ZNF7: variants seen among roughly 807,000 people sequenced by gnomAD.
ZNF7 encodes the protein zinc finger protein 7.
ZNF7 carries 10 observed loss-of-function variants against 12.0 expected under a neutral mutation model. The ratio of observed to expected loss-of-function variants is 0.83; its 90% CI spans 0.51 to 1.42. The LOEUF (loss-of-function observed/expected upper bound fraction) is 1.42, where lower values mean the gene tolerates loss of function less well. Ranked by LOEUF, ZNF7 falls within the 40% of genes most tolerant of loss-of-function variation. The probability of loss-of-function intolerance (pLI) is 0.00; values close to 1 mark genes in which losing one functional copy is unlikely to be tolerated. For missense variants in ZNF7, 854 were observed against 837.2 expected, an observed-to-expected ratio of 1.02 and a Z score of -0.25; for synonymous variants, 334 against 295.0, an observed-to-expected ratio of 1.13 and a Z score of -1.35.
chr8:144,829,219 A>T (rs1828148252), intron 2 of ZNF7, 129 bp downstream of exon 2: 6 of 1,564,402 alleles, frequency 3.8e-6, no homozygotes, highest in African/African-American at 1.4e-5. Context: ...CTTGCCCCCA[A>T]CCCCAAGGTA....
At chr8:144,832,266 A>G (rs1271574825) in intron 3 of ZNF7, among the ~76,000 whole-genome samples, 2 of 96,888 alleles carry the variant, frequency 2.1e-5, no homozygotes, top group African/African-American at 6.0e-5. Flanking sequence ...TGCAAAAAAA[A>G]AAAAAAATTA....
In ZNF7 at chr8:144,837,608, A is replaced by T. The variant is rs910847704; in HGVS notation, c.247+101A>T. On this transcript the variant is annotated intron_variant, in intron 4 of 4. Coordinates refer to ENST00000532777, the MANE Select transcript of ZNF7 (RefSeq NM_003416.4). ...GCTGTGGGTGAGTCGCGGGGGCTAC[A>T]CTGGGATGCCTGGGAATGCTACTGG... The T allele has an allele frequency of 4.4e-5, 35 of 798,934 alleles. No individual in the cohort carries two copies. The African/African-American group carries it at 5.3e-4, about 12-fold the overall frequency. The allele number at this position is 798,934 out of a possible 1,614,324, so 49.5% of individuals were successfully genotyped here.
At chr8:144,833,362 T>G (rs1431818657) in intron 3 of ZNF7, among the ~76,000 whole-genome samples, 1 of 105,148 alleles carries the variant, frequency 9.5e-6, no homozygotes, top group African/African-American at 2.8e-5. Flanking sequence ...GTTTGTTTGT[T>G]CATTTGTGTT....
Position 144,842,824 on chromosome 8 carries a change from A to G in ZNF7, c.1717A>G (p.Ile573Val). 1 of 1,614,218 alleles carries G rather than the reference A, an allele frequency of 6.2e-7. No individual in the cohort carries two copies. The highest frequency in any genetic ancestry group is 8.5e-7 in the Non-Finnish European group (1 of 1,180,044). ...AAACTCAACCCTTTTCCAACACCAG[A>G]TAATTCATGCAGGGGTGAAGCCCTA... ...SQNSTLFQHQ[I>V]IHAGVKPYEC... is the part of the protein sequence containing the mutation. The change falls in exon 5 of 5, where the codon ATA becomes GTA. Residue 573 changes from isoleucine (I) to valine (V), a missense_variant. Physicochemically the swap from Ile to Val is conservative, Grantham distance 29. Coordinates refer to ENST00000532777, the MANE Select transcript of ZNF7 (RefSeq NM_003416.4).
intron 4 of ZNF7, among the ~76,000 whole-genome samples, chr8:144,840,551 C>G (rs1482056446): frequency 6.6e-6 from 1 of 152,180 alleles, no homozygotes; most frequent in African/African-American, 2.4e-5. Context: ...GGTTTGATCA[C>G]AGACATCAAG....
Position 144,842,937 on chromosome 8 carries a change from C to G in ZNF7, c.1830C>G (p.Tyr610Ter), listed in dbSNP as rs9004. 6.8e-6 allele frequency: 11 copies of G among 1,613,750 alleles called. No homozygotes were observed. The highest frequency in any genetic ancestry group is 8.5e-6 in the Non-Finnish European group (10 of 1,179,960). Residue 610 changes from tyrosine to a stop codon, truncating the protein, a stop_gained, in exon 5 of 5, where the codon TAC (tyrosine) becomes TAG (stop). Transcript: ENST00000532777. LOFTEE classifies it low-confidence loss of function (END_TRUNC). Reference protein sequence around the residue: ...QRIHTRAQWFYEYGNALEGST... With the variant: ...QRIHTRAQWF ...TACACACTAGGGCCCAGTGGTTTTACGAATATGGGAATGCCCTGGAAGGGT... is the reference window on the plus strand; with the variant it reads ...TACACACTAGGGCCCAGTGGTTTTAGGAATATGGGAATGCCCTGGAAGGGT...
Position 144,841,749 on chromosome 8 carries a change from T to C in ZNF7, c.642T>C (p.His214=), listed in dbSNP as rs770258179. 3 of 1,614,098 alleles carry C rather than the reference T, an allele frequency of 1.9e-6. No homozygotes were observed. The highest frequency in any genetic ancestry group is 1.1e-5 in the South Asian group (1 of 91,084). The change falls in exon 5 of 5, where the codon CAT becomes CAC. Residue 214 remains histidine (H), a synonymous_variant. Coordinates refer to ENST00000532777, the MANE Select transcript of ZNF7 (RefSeq NM_003416.4). Reference sequence around the variant, plus strand: ...GAGCCACTTCAGATATCGCTCTGCATTGGGAAATTAATACACAGAAAATTA... The same window carrying C: ...GAGCCACTTCAGATATCGCTCTGCACTGGGAAATTAATACACAGAAAATTA... ...GIRATSDIAL[H]WEINTQKISR...
chr8:144,845,990 C>T (rs557000934), downstream of ZNF7: 39 of 1,536,522 alleles, frequency 2.5e-5, no homozygotes, highest in South Asian at 1.4e-4. Context: ...CTTTCTGGGC[C>T]GCCCAACCAT....
rs149931468 is a variant in ZNF7 at position 144,838,688 on chromosome 8, A to G, written c.247+1181A>G. 5.7e-3 allele frequency: 867 copies of G among 152,924 alleles called. 8 individuals are homozygous for G. The highest frequency in any genetic ancestry group is 0.02 in the African/African-American group (828 of 41,596). The allele number at this position is 152,924 out of a possible 1,614,324, so 9.5% of individuals were successfully genotyped here. A position where few individuals can be genotyped will look rare whatever the true frequency, so the allele number is the denominator to read the frequency against. On this transcript the variant is annotated intron_variant, in intron 4 of 4. Transcript: ENST00000532777. ...CCGGGCATGGTGGCTCACGCCGGCC[A>G]TTCTAGCGATTTGGGAGGCCGAGGT...
chr8:144,844,275 C>T (rs1000338509), downstream of ZNF7, among the ~76,000 whole-genome samples: 1 of 152,176 alleles, frequency 6.6e-6, no homozygotes, highest in Non-Finnish European at 1.5e-5. Context: ...AAGTACCAAC[C>T]CCCCCATCCA....
intron 4 of ZNF7, chr8:144,838,958 A>AGCAGGGGCTGTGATCTTACTTCCATTC (rs1829462701): frequency 2.0e-5 from 3 of 152,054 alleles, no homozygotes; most frequent in Admixed American, 6.6e-5. Context: ...AAAAAAAAAA[A>AGCAGGGGCTGTGATCTTACTTCCATTC]AAAAGCAGGG....
intron 3 of ZNF7, chr8:144,834,553 A>G (rs1368911180): frequency 6.6e-6 from 1 of 151,928 alleles, no homozygotes; most frequent in African/African-American, 2.4e-5. Flanking sequence ...GAGACACGTG[A>G]TTTATTTTCT....
At position 144,841,671 on chromosome 8, in the gene ZNF7, A is replaced by G. The variant is rs1306839057; in HGVS notation, c.564A>G (p.Gly188=). ...GLDCQPLESQ[G]ESAEGMSQRC... is the part of the protein sequence containing the mutation. Reference sequence around the variant, plus strand: ...ATTGTCAGCCTCTTGAAAGTCAGGGAGAGAGTGCGGAAGGGATGTCCCAGA... The same window carrying G: ...ATTGTCAGCCTCTTGAAAGTCAGGGGGAGAGTGCGGAAGGGATGTCCCAGA... Residue 188 remains glycine, a synonymous_variant, in exon 5 of 5, where the codon GGA becomes GGG. Coordinates refer to ENST00000532777, the MANE Select transcript of ZNF7 (RefSeq NM_003416.4). 1 of 1,614,058 alleles carries G rather than the reference A, an allele frequency of 6.2e-7. No individual in the cohort carries two copies. Among genetic ancestry groups the G allele is most frequent in the African/African-American group, 1.3e-5 (1 of 74,936 alleles).
At position 144,843,317 on chromosome 8, in the gene ZNF7, T is replaced by C. The variant is rs559045193; in HGVS notation, c.*149T>C. ...AGAATATCCAACTTCAGGCCGAGTG[T>C]GGTGGCTTATGCCTGTCATCCCAGC... On this transcript the variant is annotated 3_prime_UTR_variant, in exon 5 of 5. Coordinates refer to ENST00000532777, the MANE Select transcript of ZNF7 (RefSeq NM_003416.4). 3,295 of 1,028,990 alleles carry C rather than the reference T, an allele frequency of 3.2e-3. 19 individuals carry two copies. The highest frequency in any genetic ancestry group is 5.2e-3 in the South Asian group (279 of 53,836). The allele number at this position is 1,028,990 out of a possible 1,614,324, so 63.7% of individuals were successfully genotyped here. A position where few individuals can be genotyped will look rare whatever the true frequency, so the allele number is the denominator to read the frequency against.
At position 144,843,425 on chromosome 8, in the gene ZNF7, A is replaced by G; in HGVS notation, c.*257A>G. The G allele has an allele frequency of 6.4e-6, 2 of 313,894 alleles. No homozygotes were observed. The allele number at this position is 313,894 out of a possible 1,614,324, so 19.4% of individuals were successfully genotyped here. A position where few individuals can be genotyped will look rare whatever the true frequency, so the allele number is the denominator to read the frequency against. ...TAACAGGTGAAACCCCATCTCTACT[A>G]AAAATACAAAAATTTAGCTGGGCGT... On this transcript the variant is annotated 3_prime_UTR_variant, in exon 5 of 5. Coordinates refer to ENST00000532777, the MANE Select transcript of ZNF7 (RefSeq NM_003416.4).
downstream of ZNF7, chr8:144,847,107 C>T (rs1379556929): frequency 2.0e-5 from 3 of 152,230 alleles, no homozygotes; most frequent in Non-Finnish European, 4.4e-5. Flanking sequence ...CAAGCTACTG[C>T]ACAGCTTTGA....
chr8:144,837,139 G>T (rs1249297854), intron 3 of ZNF7: 2 of 340,460 alleles, frequency 5.9e-6, no homozygotes, highest in African/African-American at 2.0e-5. Flanking sequence ...ACTGTTTGGT[G>T]ACAGGGTCGC....
At chr8:144,840,848 C>T (rs919051519) in intron 4 of ZNF7, among the ~76,000 whole-genome samples, 6 of 152,298 alleles carry the variant, frequency 3.9e-5, no homozygotes, top group South Asian at 2.1e-4. Flanking sequence ...TAGCCATGAA[C>T]GGCCTAGGTG....
In ZNF7 at chr8:144,842,859, T is replaced by C; in HGVS notation, c.1752T>C (p.Ser584=). 1.2e-6 allele frequency: 2 copies of C among 1,614,114 alleles called. No homozygotes were observed. The highest frequency in any genetic ancestry group is 1.7e-6 in the Non-Finnish European group (2 of 1,180,018). Residue 584 remains serine (S), a synonymous_variant, in exon 5 of 5, where the codon AGT becomes AGC. Transcript: ENST00000532777. The part of the protein sequence containing the change: ...IHAGVKPYEC[S]ECGKAFSRSS... ...CAGGGGTGAAGCCCTATGAGTGCAGTGAGTGTGGAAAAGCCTTCAGCCGGA... is the reference window on the plus strand; with the variant it reads ...CAGGGGTGAAGCCCTATGAGTGCAGCGAGTGTGGAAAAGCCTTCAGCCGGA...
Sources: allele counts gnomAD v4.1 joint callset (sites outside exome capture counted in the v4.1 genomes callset), GRCh38; gene constraint gnomAD v4.1.1; transcripts MANE v1.5; gene names NCBI Gene and HGNC (gene_info 2026-07-23, HGNC 2026-07-21).